PKD2L1: variants seen among roughly 807,000 people sequenced by gnomAD.
PKD2L1 encodes the protein polycystin 2 like 1, transient receptor potential cation channel.
A neutral mutation model predicts 93.0 loss-of-function variants in PKD2L1; 77 were observed. The ratio of observed to expected loss-of-function variants is 0.83; its 90% CI spans 0.69 to 1.00. PKD2L1 has a LOEUF of 1.00. PKD2L1 is among the 50% of genes least tolerant of loss of function. PKD2L1 has a pLI of 0.00. For missense variants in PKD2L1, 977 were observed against 990.9 expected, an observed-to-expected ratio of 0.99 and a Z score of 0.19; for synonymous variants, 390 against 388.0, an observed-to-expected ratio of 1.01 and a Z score of -0.06.
rs557427141 is a variant in PKD2L1, at chr10:100,290,615, G to A, written c.2008-96C>T. ...TACTCTACTGGGATCTCAGGACCAA[G>A]GCTCAGGTCCTAGTTCTTGCTATTC... On this transcript the variant is annotated intron_variant, in intron 12 of 15. Transcript: ENST00000318222. 16 of 750,628 alleles carry A rather than the reference G, an allele frequency of 2.1e-5. No individual in the cohort carries two copies. In the South Asian group the frequency reaches 2.3e-4, roughly 11 times the overall value. 46.5% of individuals were successfully genotyped at this position (750,628 alleles called of 1,614,324 possible). A position where few individuals can be genotyped will look rare whatever the true frequency, so the allele number is the denominator to read the frequency against.
At chr10:100,299,784 T>C in intron 2 of PKD2L1, 66 bp from the exon 3 acceptor site, 1 of 1,461,416 alleles carries the variant, frequency 6.8e-7, no homozygotes, top group Non-Finnish European at 9.6e-7. Flanking sequence ...GAAAGCCTAT[T>C]GCCCTGGAGT....
intron 2 of PKD2L1, among the ~76,000 whole-genome samples, chr10:100,306,871 AAAG>A (rs1848814675): frequency 1.3e-5 from 2 of 150,198 alleles, no homozygotes; most frequent in Non-Finnish European, 1.5e-5. Context: ...AAAAAAAAAA[AAAG>A]AAAGAGAGAG....
chr10:100,291,037 A>T (rs550285095), intron 12 of PKD2L1, among the ~76,000 whole-genome samples: 1 of 152,312 alleles, frequency 6.6e-6, no homozygotes, highest in Non-Finnish European at 1.5e-5. Flanking sequence ...GGAATCACCT[A>T]AGGAGTTATA....
chr10:100,294,509 TC>T (rs766078326), intron 9 of PKD2L1, 25 bp downstream of exon 9: 1 of 1,613,470 alleles, frequency 6.2e-7, no homozygotes, highest in African/African-American at 1.3e-5. Context: ...GCTCTCTATG[TC>T]CCCACCCCTC....
At position 100,294,594 on chromosome 10, in the gene PKD2L1, G is replaced by A. The variant is rs527526213; in HGVS notation, c.1600C>T (p.Arg534Cys). 1.4e-5 allele frequency: 23 copies of A among 1,613,780 alleles called. No individual in the cohort carries two copies. The highest frequency in any genetic ancestry group is 1.1e-4 in the East Asian group (5 of 44,870). ...ACAAAGTAGGCAGGGCCCAGGATGC[G>A]GTTGGCATTGTCGATAGCATTGTAG... ...FDYNAIDNAN[R>C]ILGPAYFVTY... The change falls in exon 9 of 16, where the codon CGC (arginine) becomes TGC (cysteine). Residue 534 changes from arginine (R) to cysteine (C), a missense_variant. Transcript: ENST00000318222.
chr10:100,306,063 G>A (rs1014528149), intron 2 of PKD2L1, among the ~76,000 whole-genome samples: 1 of 151,976 alleles, frequency 6.6e-6, no homozygotes, highest in East Asian at 1.9e-4. Context: ...TGTGCACCTG[G>A]GGTCCCAGCT....
At chr10:100,289,637 A>G (rs12241599) in intron 14 of PKD2L1, among the ~76,000 whole-genome samples, 7,446 of 152,296 alleles carry the variant, frequency 0.049, 605 homozygotes, top group African/African-American at 0.17. Context: ...ACAGCTCTCT[A>G]TGAATCAGGA....
chr10:100,303,911 G>A (rs1190056515), intron 2 of PKD2L1, among the ~76,000 whole-genome samples: 1 of 152,134 alleles, frequency 6.6e-6, no homozygotes, highest in Non-Finnish European at 1.5e-5. Flanking sequence ...GCCACTAGGT[G>A]GTACTCATTG....
intron 3 of PKD2L1, 78 bp downstream of exon 3, chr10:100,299,513 G>T: frequency 7.6e-7 from 1 of 1,313,086 alleles, no homozygotes; most frequent in Non-Finnish European, 1.1e-6. Context: ...CCCAGCATAA[G>T]GTCTGATCCG....
In PKD2L1 at chr10:100,293,042, G is replaced by A. The variant is rs147248969; in HGVS notation, c.1786C>T (p.Arg596Cys). ...TCCGAAACCCTCTCCTTCCTCAGAC[G>A]CAGTCTTAGTAGGGTCTTGTTGTAG... ...QGYNKTLLRL[R>C]LRKERVSDVQ... is the part of the protein sequence containing the mutation. The change falls in exon 11 of 16, where the codon CGT becomes TGT. Residue 596 changes from arginine (R) to cysteine (C), a missense_variant. Coordinates refer to ENST00000318222, the MANE Select transcript of PKD2L1 (RefSeq NM_016112.3). 4.4e-4 allele frequency: 716 copies of A among 1,614,090 alleles called. No homozygotes were observed. The highest frequency in any genetic ancestry group is 4.7e-4 in the Non-Finnish European group (553 of 1,179,982).
At chr10:100,320,426 T>G (rs562486972) in intron 2 of PKD2L1, among the ~76,000 whole-genome samples, 35 of 152,320 alleles carry the variant, frequency 2.3e-4, no homozygotes, top group African/African-American at 8.4e-4. Context: ...TTGACCATGA[T>G]AGTCTACTAG....
intron 2 of PKD2L1, among the ~76,000 whole-genome samples, chr10:100,313,095 C>T (rs1564890221): frequency 6.6e-6 from 1 of 152,146 alleles, no homozygotes; most frequent in Non-Finnish European, 1.5e-5. Context: ...ATTCCACACG[C>T]TCCTGTAGAA....
chr10:100,321,727 GAAAGAAAGAAAGAAAGAAAGAAAGAAAGA>G (rs1849242026), intron 2 of PKD2L1, among the ~76,000 whole-genome samples: 1 of 8,298 alleles, frequency 1.2e-4, no homozygotes, highest in Non-Finnish European at 2.6e-4. Context: ...AAGAAAGAAA[GAAAGAAAGAAAGAAAGAAAGAAAGAAAGA>G]AGGGAGGGAG....
intron 2 of PKD2L1, among the ~76,000 whole-genome samples, chr10:100,311,094 C>A (rs933907704): frequency 6.6e-6 from 1 of 152,208 alleles, no homozygotes; most frequent in Non-Finnish European, 1.5e-5. Context: ...TATATAAAAA[C>A]CAACAAGGCC....
chr10:100,293,950 T>C (rs536447799), intron 9 of PKD2L1, among the ~76,000 whole-genome samples: 2 of 152,138 alleles, frequency 1.3e-5, no homozygotes, highest in African/African-American at 4.8e-5. Flanking sequence ...CTACAAAAGA[T>C]ACAAAAATTA....
rs780149742 is a variant in PKD2L1 at position 100,290,502 on chromosome 10, C to A, written c.2025G>T (p.Glu675Asp). ...LEEERVALNT[E>D]IEKLGRSIVS... is the part of the protein sequence containing the mutation. ...CAATAGATCGGCCTAGTTTCTCAAT[C>A]TCAGTGTTGAGGGCCACCTGCTCAG... The change falls in exon 13 of 16, where the codon GAG (glutamate) becomes GAT (aspartate). Residue 675 changes from glutamate to aspartate, a missense_variant. By Grantham distance (45) the Glu-to-Asp change is conservative. Transcript: ENST00000318222. 4 of 1,612,624 alleles carry A rather than the reference C, an allele frequency of 2.5e-6. No individual in the cohort carries two copies. The African/African-American group carries it at 5.3e-5, about 22-fold the overall frequency.
chr10:100,298,736 G>A lies in PKD2L1; in HGVS notation c.557C>T (p.Ser186Phe), dbSNP rs894325701. The A allele has an allele frequency of 2.5e-5, 40 of 1,613,902 alleles. No individual in the cohort carries two copies. Among genetic ancestry groups the A allele is most frequent in the African/African-American group, 5.3e-5 (4 of 74,870 alleles). The change falls in exon 4 of 16, where the codon TCC becomes TTC. Residue 186 changes from serine (S) to phenylalanine (F), a missense_variant. By Grantham distance (155) the Ser-to-Phe change is radical (BLOSUM62 -2). Transcript: ENST00000318222. Reference protein sequence around the residue: ...NNQSLGHGSHSFIYYENMLLG... With the variant: ...NNQSLGHGSHFFIYYENMLLG... The stretch of plus-strand genomic sequence containing the variant: ...CAGCATGTTCTCATAGTAGATGAAG[G>A]AGTGGGAGCCATGGCCCAGGCTCTG...
At chr10:100,289,845 C>A (rs1349005733) in intron 14 of PKD2L1, among the ~76,000 whole-genome samples, 170 bp downstream of exon 14, 1 of 152,170 alleles carries the variant, frequency 6.6e-6, no homozygotes, top group Non-Finnish European at 1.5e-5. Flanking sequence ...AACTTCCAGG[C>A]CTTATCTCCA....
intron 10 of PKD2L1, 69 bp from the exon 11 acceptor site, chr10:100,293,138 C>A (rs1198717128): frequency 3.8e-6 from 6 of 1,590,674 alleles, no homozygotes; most frequent in Non-Finnish European, 5.1e-6. Context: ...CCAGCCCCAC[C>A]CATAGTATGC....
Sources: gnomAD v4.1 joint callset for allele counts (sites outside exome capture counted in the v4.1 genomes callset) on GRCh38, gnomAD v4.1.1 for gene constraint, MANE v1.5 for transcripts, NCBI Gene and HGNC (gene_info 2026-07-23, HGNC 2026-07-21) for gene names.